Variants in IQCB1 observed in about 807,000 individuals in gnomAD.
The protein encoded by IQCB1 is IQ motif containing B1, also known as IQ calmodulin-binding motif-containing protein 1.
A neutral mutation model predicts 84.4 loss-of-function variants in IQCB1; 56 were observed. That is an observed-to-expected ratio of 0.66 (90% CI 0.54 to 0.83). The LOEUF is 0.83. IQCB1 is among the 40% of genes least tolerant of loss of function. The probability of loss-of-function intolerance (pLI) is 0.00; values close to 1 mark genes in which losing one functional copy is unlikely to be tolerated. For missense variants in IQCB1, 629 were observed against 682.1 expected (o/e 0.92, Z 0.87); for synonymous variants, 210 against 234.8 (o/e 0.89, Z 0.96).
chr3:121,781,708 T>A, intron 13 of IQCB1, 35 bp downstream of exon 13: 2 of 1,583,098 alleles, frequency 1.3e-6, no homozygotes, highest in Non-Finnish European at 1.7e-6. Context: ...TGCATTGGAA[T>A]AATGTAATAC....
rs368271747 is a variant in IQCB1 at position 121,830,581 on chromosome 3, G to A, written c.-12-1609C>T. 1.2e-4 allele frequency among the ~76,000 whole-genome samples: 19 copies of A among 152,280 alleles called. No homozygotes were observed. The South Asian group carries it at 2.3e-3, about 18-fold the overall frequency. On this transcript the variant is annotated intron_variant, in intron 2 of 14. Coordinates refer to ENST00000310864, the MANE Select transcript of IQCB1 (RefSeq NM_001023570.4). Reference sequence around the variant, plus strand: ...AACAGGGCTATGAAGTAGATAGAGCGTGTGATCATTTCCATACATACATAT... The same window carrying A: ...AACAGGGCTATGAAGTAGATAGAGCATGTGATCATTTCCATACATACATAT...
At chr3:121,813,553 G>T (rs962808651) in intron 5 of IQCB1, among the ~76,000 whole-genome samples, 1 of 151,950 alleles carries the variant, frequency 6.6e-6, no homozygotes, top group Admixed American at 6.6e-5. Context: ...ACACACATAG[G>T]CTCAAAATAA....
intron 13 of IQCB1, among the ~76,000 whole-genome samples, chr3:121,777,053 A>G (rs1948259709): frequency 6.6e-6 from 1 of 152,224 alleles, no homozygotes; most frequent in South Asian, 2.1e-4. Flanking sequence ...ATTGTATTCA[A>G]GAAAGGTCAC....
intron 14 of IQCB1, among the ~76,000 whole-genome samples, chr3:121,770,863 G>A (rs766671266): frequency 6.6e-6 from 1 of 152,032 alleles, no homozygotes; most frequent in Non-Finnish European, 1.5e-5. Context: ...TTTTTGTAGA[G>A]ATCTCACTAT....
At chr3:121,786,703 G>T (rs189919514) in intron 12 of IQCB1, among the ~76,000 whole-genome samples, 1 of 152,232 alleles carries the variant, frequency 6.6e-6, no homozygotes, top group Non-Finnish European at 1.5e-5. Flanking sequence ...CGTGCCAATG[G>T]AAAGTATAAA....
rs576751267 is a variant in IQCB1 at position 121,788,282 on chromosome 3, A to G, written c.1278+2T>C. On this transcript the variant is annotated splice_donor_variant, in intron 12 of 14. Transcript: ENST00000310864. LOFTEE classifies it high-confidence loss of function. ...GAGCTCTTTTCACTACATTAGACTC[A>G]CTGCTCTTTGAAGTGTGACAGCTGC... The G allele has an allele frequency of 1.2e-6, 2 of 1,613,818 alleles. No individual in the cohort carries two copies. Among genetic ancestry groups the G allele is most frequent in the African/African-American group, 1.3e-5 (1 of 75,038 alleles).
intron 2 of IQCB1, among the ~76,000 whole-genome samples, chr3:121,832,590 G>A (rs1215290248): frequency 2.0e-5 from 3 of 152,104 alleles, no homozygotes; most frequent in African/African-American, 7.2e-5. Flanking sequence ...GCCTCCCAAA[G>A]TGCTGGGATT....
intron 5 of IQCB1, among the ~76,000 whole-genome samples, chr3:121,812,048 C>T (rs1309320936): frequency 2.0e-5 from 3 of 152,172 alleles, no homozygotes; most frequent in African/African-American, 7.2e-5. Flanking sequence ...CAGGCAGGTG[C>T]CACTCTGAGA....
intron 7 of IQCB1, among the ~76,000 whole-genome samples, chr3:121,800,998 T>G (rs1949387371): frequency 1.3e-5 from 2 of 152,002 alleles, no homozygotes; most frequent in Admixed American, 1.3e-4. Context: ...TTCTACTTAC[T>G]CAGCTTCTGT....
intron 7 of IQCB1, among the ~76,000 whole-genome samples, chr3:121,799,969 C>G (rs1053378932): frequency 6.6e-6 from 1 of 151,746 alleles, no homozygotes; most frequent in African/African-American, 2.4e-5. Context: ...ATGTGATTTT[C>G]TAGGCGTATG....
chr3:121,805,684 T>C (rs1949577135), intron 7 of IQCB1, among the ~76,000 whole-genome samples: 2 of 152,156 alleles, frequency 1.3e-5, no homozygotes, highest in South Asian at 2.1e-4. Flanking sequence ...GTTTGGCTGT[T>C]GGAAACAGGC....
chr3:121,817,341 G>C (rs1216155701), intron 5 of IQCB1, among the ~76,000 whole-genome samples: 2 of 151,642 alleles, frequency 1.3e-5, no homozygotes, highest in African/African-American at 4.9e-5. Flanking sequence ...CGAGTTGATG[G>C]GTACAGCAAA....
intron 12 of IQCB1, among the ~76,000 whole-genome samples, chr3:121,786,951 A>G (rs1948761789): frequency 6.6e-6 from 1 of 152,218 alleles, no homozygotes; most frequent in Non-Finnish European, 1.5e-5. Flanking sequence ...AAGTATTAGA[A>G]AGAAGCCAAA....
At chr3:121,812,159 C>A (rs1949855116) in intron 5 of IQCB1, among the ~76,000 whole-genome samples, 1 of 152,166 alleles carries the variant, frequency 6.6e-6, no homozygotes, top group African/African-American at 2.4e-5. Flanking sequence ...CTCCAGCAAA[C>A]TCCAGCAGAC....
At chr3:121,787,950 A>G (rs1220724302) in intron 12 of IQCB1, among the ~76,000 whole-genome samples, 6 of 152,154 alleles carry the variant, frequency 3.9e-5, no homozygotes, top group Non-Finnish European at 7.3e-5. Flanking sequence ...GTAAACATCT[A>G]TTCATACATC....
intron 7 of IQCB1, among the ~76,000 whole-genome samples, chr3:121,806,611 C>A (rs928887283): frequency 1.3e-5 from 2 of 152,030 alleles, no homozygotes; most frequent in African/African-American, 2.4e-5. Flanking sequence ...GGCCAATATA[C>A]CATCCTTGAA....
chr3:121,780,698 T>G (rs1197463129), intron 13 of IQCB1, among the ~76,000 whole-genome samples: 1 of 152,110 alleles, frequency 6.6e-6, no homozygotes, highest in Admixed American at 6.5e-5. Flanking sequence ...TTTCCATTTG[T>G]ACAGTAGTTT....
At chr3:121,809,945 GA>G (rs11306812) in intron 5 of IQCB1, among the ~76,000 whole-genome samples, 43,219 of 141,856 alleles carry the variant, frequency 0.3, 6,761 homozygotes, top group Admixed American at 0.45. Context: ...TATAACAATG[GA>G]AAAAAAAAAA....
chr3:121,817,830 T>C (rs1487277066), intron 5 of IQCB1, among the ~76,000 whole-genome samples: 2 of 151,902 alleles, frequency 1.3e-5, no homozygotes, highest in African/African-American at 2.4e-5. Flanking sequence ...ATTAGTGCCC[T>C]TATAAGAAAG....
Sources: gnomAD v4.1 joint callset for allele counts (sites outside exome capture counted in the v4.1 genomes callset) on GRCh38, gnomAD v4.1.1 for gene constraint, MANE v1.5 for transcripts, NCBI Gene and HGNC (gene_info 2026-07-23, HGNC 2026-07-21) for gene names.